Variants in SOHLH2 observed in about 807,000 individuals in gnomAD.
SOHLH2 encodes the protein spermatogenesis and oogenesis specific basic helix-loop-helix 2.
In SOHLH2, 22 loss-of-function variants were observed where a neutral mutation model predicts 50.4. The observed-to-expected ratio is 0.44, with a 90% confidence interval of 0.31 to 0.62. SOHLH2 has a LOEUF of 0.62. SOHLH2 is among the 20% of genes least tolerant of loss of function. The pLI is 0.08. For synonymous variants in SOHLH2, 185 were observed against 187.3 expected, an observed-to-expected ratio of 0.99 and a Z score of 0.10; for missense variants, 412 against 504.4, an observed-to-expected ratio of 0.82 and a Z score of 1.76.
intron 9 of SOHLH2, among the ~76,000 whole-genome samples, chr13:36,172,023 G>A (rs1005342427): frequency 2.6e-5 from 4 of 152,078 alleles, no homozygotes; most frequent in Non-Finnish European, 4.4e-5. Flanking sequence ...GTTTTCAAAC[G>A]CAAAAATGTA....
At position 36,191,863 on chromosome 13, in the gene SOHLH2, T is replaced by C. The variant is rs777661960; in HGVS notation, c.462A>G (p.Glu154=). Residue 154 remains glutamate, a synonymous_variant, in exon 5 of 11, where the codon GAA becomes GAG. Coordinates refer to ENST00000379881, the MANE Select transcript of SOHLH2 (RefSeq NM_017826.3). ...VKTENATGPE[E]LGLPLQRSYS... ...AGGACCTCTGCAGGGGCAATCCAAGTTCTTCAGGCCCAGTTGCGTTTTCAG... is the reference window on the plus strand; with the variant it reads ...AGGACCTCTGCAGGGGCAATCCAAGCTCTTCAGGCCCAGTTGCGTTTTCAG... 3 of 1,613,904 alleles carry C rather than the reference T, an allele frequency of 1.9e-6. No homozygotes were observed. The highest frequency in any genetic ancestry group is 1.7e-5 in the Admixed American group (1 of 59,994).
At chr13:36,187,268 C>A (rs1380595586) in intron 6 of SOHLH2, among the ~76,000 whole-genome samples, 1 of 152,036 alleles carries the variant, frequency 6.6e-6, no homozygotes, top group Non-Finnish European at 1.5e-5. Flanking sequence ...AAAGGATTCC[C>A]ACCATTAGAT....
intron 5 of SOHLH2, 151 bp downstream of exon 5, chr13:36,191,644 A>C: frequency 1.2e-6 from 1 of 835,704 alleles, no homozygotes; most frequent in Non-Finnish European, 1.8e-6. Context: ...GTATTTCCTT[A>C]TATTAAGTTG....
chr13:36,185,086 G>A (rs1051839321), intron 6 of SOHLH2, among the ~76,000 whole-genome samples: 2 of 152,130 alleles, frequency 1.3e-5, no homozygotes, highest in East Asian at 3.9e-4. Flanking sequence ...CTACGTCCCT[G>A]CAAAGGACAT....
intron 10 of SOHLH2, 66 bp from the exon 11 acceptor site, chr13:36,169,120 A>G: frequency 6.4e-7 from 1 of 1,555,524 alleles, no homozygotes; most frequent in South Asian, 1.3e-5. Context: ...TAATGTCATG[A>G]TTGTATTTTC....
intron 2 of SOHLH2, among the ~76,000 whole-genome samples, chr13:36,201,109 A>G (rs886802228): frequency 4.0e-5 from 6 of 151,680 alleles, no homozygotes; most frequent in African/African-American, 1.5e-4. Context: ...GAACTGCAAG[A>G]CGAAACAAGA....
At chr13:36,171,136 A>G (rs370501700) in intron 9 of SOHLH2, among the ~76,000 whole-genome samples, 2 of 152,210 alleles carry the variant, frequency 1.3e-5, no homozygotes, top group African/African-American at 2.4e-5. Flanking sequence ...AGAATGGTTT[A>G]TATCATCATA....
Position 36,170,801 on chromosome 13 carries a change from G to C in SOHLH2, c.1001-14C>G. The C allele has an allele frequency of 6.2e-7, 1 of 1,608,114 alleles. No individual in the cohort carries two copies. Among genetic ancestry groups the C allele is most frequent in the Non-Finnish European group, 8.5e-7 (1 of 1,175,782 alleles). ...AGCTTGATGGAACTTTAATGAGAAAGAAAACAAATATGGGTCAGTATCCAC... is the reference window on the plus strand; with the variant it reads ...AGCTTGATGGAACTTTAATGAGAAACAAAACAAATATGGGTCAGTATCCAC... On this transcript the variant is annotated splice_polypyrimidine_tract_variant and intron_variant, in intron 9 of 10. Transcript: ENST00000379881.
chr13:36,171,562 A>G (rs7988905), intron 9 of SOHLH2, among the ~76,000 whole-genome samples: 3,361 of 152,292 alleles, frequency 0.022, 114 homozygotes, highest in African/African-American at 0.073. Context: ...GGCAACATGC[A>G]TTAAGAGCCT....
intron 2 of SOHLH2, 30 bp from the exon 3 acceptor site, chr13:36,193,897 A>T: frequency 6.3e-7 from 1 of 1,581,440 alleles, no homozygotes; most frequent in South Asian, 1.2e-5. Context: ...GTTAAAATGA[A>T]GCAAAATCAT....
At chr13:36,201,048 CAAAA>C (rs10660002) in intron 2 of SOHLH2, among the ~76,000 whole-genome samples, 2 of 55,962 alleles carry the variant, frequency 3.6e-5, no homozygotes, top group Non-Finnish European at 3.2e-5. Context: ...GACTCTGCCT[CAAAA>C]AAAAAAAAAA....
intron 1 of SOHLH2, among the ~76,000 whole-genome samples, chr13:36,202,742 A>C (rs1868501075): frequency 6.6e-6 from 1 of 152,238 alleles, no homozygotes; most frequent in South Asian, 2.1e-4. Context: ...AAAATGCCAA[A>C]GAATGGGGAT....
intron 9 of SOHLH2, among the ~76,000 whole-genome samples, chr13:36,172,938 C>T (rs1886999770): frequency 6.6e-6 from 1 of 152,208 alleles, no homozygotes; most frequent in African/African-American, 2.4e-5. Flanking sequence ...ACTTTATCTT[C>T]AGGAATACTA....
At chr13:36,181,530 G>T (rs1284146524) in intron 6 of SOHLH2, among the ~76,000 whole-genome samples, 2 of 152,058 alleles carry the variant, frequency 1.3e-5, no homozygotes, top group East Asian at 3.9e-4. Flanking sequence ...ATATATATCT[G>T]AAGTTTTCAT....
At chr13:36,207,678 T>C (rs1868859990) in intron 1 of SOHLH2, among the ~76,000 whole-genome samples, 1 of 152,168 alleles carries the variant, frequency 6.6e-6, no homozygotes. Flanking sequence ...CAGGATCCCA[T>C]CTGGATAATA....
intron 6 of SOHLH2, among the ~76,000 whole-genome samples, chr13:36,188,093 G>A (rs1401682387): frequency 6.6e-6 from 1 of 152,184 alleles, no homozygotes; most frequent in Non-Finnish European, 1.5e-5. Flanking sequence ...AGCCCCCGCT[G>A]AGCTCAGACT....
At chr13:36,180,234 T>C (rs1451129091) in intron 6 of SOHLH2, among the ~76,000 whole-genome samples, 2 of 152,152 alleles carry the variant, frequency 1.3e-5, no homozygotes, top group Admixed American at 6.5e-5. Context: ...ATCATGATCA[T>C]CCCTCTTTCA....
At chr13:36,171,635 T>C (rs1278467697) in intron 9 of SOHLH2, among the ~76,000 whole-genome samples, 5 of 152,222 alleles carry the variant, frequency 3.3e-5, no homozygotes, top group South Asian at 4.1e-4. Context: ...GAACCCATTA[T>C]ACTCTTCCAG....
At chr13:36,214,436 C>T in intron 1 of SOHLH2, 43 bp downstream of exon 1, 2 of 1,601,056 alleles carry the variant, frequency 1.2e-6, no homozygotes, top group Non-Finnish European at 1.7e-6. Context: ...GGCCCGCCCG[C>T]GAGGTTATAA....
Sources: allele counts gnomAD v4.1 joint callset (sites outside exome capture counted in the v4.1 genomes callset), GRCh38; gene constraint gnomAD v4.1.1; transcripts MANE v1.5; gene names NCBI Gene and HGNC (gene_info 2026-07-23, HGNC 2026-07-21).